DLGAP2: variants seen among roughly 807,000 people sequenced by gnomAD.
DLGAP2 encodes the protein DLG associated protein 2.
In DLGAP2, 26 loss-of-function variants were observed where a neutral mutation model predicts 100.3. That is an observed-to-expected ratio of 0.26 (90% CI 0.19 to 0.36). DLGAP2 has a LOEUF of 0.36. Among genes scored for constraint, DLGAP2 ranks in the 10% least tolerant of loss-of-function variants. The probability of loss-of-function intolerance (pLI) is 1.00; values close to 1 mark genes in which losing one functional copy is unlikely to be tolerated. For synonymous variants in DLGAP2, 886 were observed against 630.1 expected (o/e 1.41, Z -6.08); for missense variants, 1,858 against 1,453.2 (o/e 1.28, Z -4.53).
intron 3 of DLGAP2, among the ~76,000 whole-genome samples, chr8:1,476,807 G>C (rs1034612541): frequency 2.7e-5 from 4 of 148,944 alleles, no homozygotes; most frequent in African/African-American, 1.0e-4. Context: ...ACCCACCCGT[G>C]ATGGCTGAGT....
At chr8:1,301,313 G>A (rs1800333027) in intron 3 of DLGAP2, 1 of 152,320 alleles carries the variant, frequency 6.6e-6, no homozygotes, top group Admixed American at 6.5e-5. Context: ...TCCTCCATGA[G>A]AGGCCTCTGC....
At chr8:1,659,192 T>C (rs555593809) in intron 8 of DLGAP2, among the ~76,000 whole-genome samples, 2 of 152,366 alleles carry the variant, frequency 1.3e-5, no homozygotes, top group East Asian at 1.9e-4. Context: ...TTGATTGCAC[T>C]GTGGTCGGAG....
chr8:1,337,166 G>GTGA (rs1373988697), intron 3 of DLGAP2, among the ~76,000 whole-genome samples: 3 of 136,146 alleles, frequency 2.2e-5, no homozygotes, highest in Admixed American at 7.1e-5. Flanking sequence ...GATGATGGTG[G>GTGA]TGATGATGAT....
intron 1 of DLGAP2, chr8:883,481 CA>C (rs1337476848): frequency 6.6e-6 from 1 of 151,968 alleles, no homozygotes; most frequent in Non-Finnish European, 1.5e-5. Context: ...ACTTGATATG[CA>C]AATGCATATT....
At chr8:1,466,296 C>A (rs1455159306) in intron 3 of DLGAP2, among the ~76,000 whole-genome samples, 2 of 152,016 alleles carry the variant, frequency 1.3e-5, no homozygotes, top group South Asian at 2.1e-4. Context: ...TGGTGCCAGG[C>A]AACCTGAGCC....
In DLGAP2 at chr8:1,539,681, T is replaced by C. The variant is rs187644192; in HGVS notation, c.173-8945T>C. 2.4e-3 allele frequency among the ~76,000 whole-genome samples: 367 copies of C among 151,200 alleles called. 4 individuals are homozygous for C. The highest frequency in any genetic ancestry group is 0.019 in the South Asian group (90 of 4,766). On this transcript the variant is annotated intron_variant, in intron 4 of 14. Transcript: ENST00000637795. Reference sequence around the variant, plus strand: ...GGGGCCACCTTCTCCCTCTCCAGACTCCACTTTCCTGTTTGGAGGATGCCG... The same window carrying C: ...GGGGCCACCTTCTCCCTCTCCAGACCCCACTTTCCTGTTTGGAGGATGCCG...
chr8:776,032 G>A (rs1821506266), intron 1 of DLGAP2, among the ~76,000 whole-genome samples: 1 of 152,128 alleles, frequency 6.6e-6, no homozygotes, highest in South Asian at 2.1e-4. Context: ...TTCAGATCCT[G>A]TTATTGGTCT....
At chr8:1,084,045 T>C (rs1318484341) in intron 2 of DLGAP2, among the ~76,000 whole-genome samples, 2 of 152,224 alleles carry the variant, frequency 1.3e-5, no homozygotes, top group Non-Finnish European at 2.9e-5. Flanking sequence ...ACACACAAAC[T>C]TTTATTTTAT....
intron 1 of DLGAP2, among the ~76,000 whole-genome samples, chr8:797,790 G>A (rs575558024): frequency 3.3e-5 from 5 of 151,948 alleles, no homozygotes; most frequent in Non-Finnish European, 7.4e-5. Context: ...CACTCTTATT[G>A]CCCAGGCTGG....
At chr8:1,360,943 C>T (rs1284384390) in intron 3 of DLGAP2, among the ~76,000 whole-genome samples, 2 of 152,196 alleles carry the variant, frequency 1.3e-5, no homozygotes, top group African/African-American at 4.8e-5. Context: ...GTTTCAGAAG[C>T]ACAGTGCCGA....
chr8:912,586 A>G (rs1313425382), intron 2 of DLGAP2, among the ~76,000 whole-genome samples: 1 of 151,636 alleles, frequency 6.6e-6, no homozygotes, highest in East Asian at 1.9e-4. Flanking sequence ...AGTTGTCTCC[A>G]GCTCATTGGA....
intron 2 of DLGAP2, among the ~76,000 whole-genome samples, chr8:1,079,272 T>G (rs569538392): frequency 6.6e-6 from 1 of 152,336 alleles, no homozygotes; most frequent in East Asian, 1.9e-4. Flanking sequence ...GTTTTAAGAG[T>G]TATTCATATA....
chr8:1,416,163 G>C (rs1027227471), intron 3 of DLGAP2, among the ~76,000 whole-genome samples: 1 of 152,180 alleles, frequency 6.6e-6, no homozygotes, highest in Non-Finnish European at 1.5e-5. Context: ...CAGTTTGGAC[G>C]TGAAACCCAT....
chr8:1,202,164 A>G (rs1797891874), intron 2 of DLGAP2, among the ~76,000 whole-genome samples: 2 of 151,850 alleles, frequency 1.3e-5, no homozygotes, highest in African/African-American at 2.4e-5. Flanking sequence ...TGTGTACAGT[A>G]TCTGTGTATC....
At chr8:1,662,670 A>G (rs992900718) in intron 8 of DLGAP2, among the ~76,000 whole-genome samples, 2 of 152,278 alleles carry the variant, frequency 1.3e-5, no homozygotes, top group Non-Finnish European at 2.9e-5. Flanking sequence ...CTCTTCCAAG[A>G]TATGCAAATG....
At chr8:1,140,601 CTT>C (rs1320741423) in intron 2 of DLGAP2, among the ~76,000 whole-genome samples, 4 of 152,106 alleles carry the variant, frequency 2.6e-5, no homozygotes, top group African/African-American at 9.7e-5. Context: ...CTGACCCTCC[CTT>C]CCCTCACTCA....
chr8:1,064,122 A>T lies in DLGAP2; in HGVS notation c.73+156156A>T, dbSNP rs1803172401. Among the ~76,000 whole-genome samples the T allele has an allele frequency of 2.0e-5, 3 of 152,310 alleles. No homozygotes were observed. The South Asian group carries it at 6.2e-4, about 32-fold the overall frequency. On this transcript the variant is annotated intron_variant, in intron 2 of 14. Coordinates refer to ENST00000637795, the MANE Select transcript of DLGAP2 (RefSeq NM_001346810.2). Reference sequence around the variant, plus strand: ...TATGGGAAAGCTTTAGGTCATGGGGACAATCCAATGGCTGGTGGGGCGGTG... The same window carrying T: ...TATGGGAAAGCTTTAGGTCATGGGGTCAATCCAATGGCTGGTGGGGCGGTG...
chr8:1,356,059 C>T (rs1011615578), intron 3 of DLGAP2, among the ~76,000 whole-genome samples: 5 of 152,210 alleles, frequency 3.3e-5, no homozygotes, highest in Non-Finnish European at 5.9e-5. Context: ...CAGTATGGGG[C>T]GGCCCTCACA....
chr8:845,987 G>A (rs897130842), intron 1 of DLGAP2, among the ~76,000 whole-genome samples: 30 of 152,236 alleles, frequency 2.0e-4, no homozygotes, highest in South Asian at 2.1e-4. Context: ...GAGTTTCTTC[G>A]TAAACGTTTG....
Sources: allele counts gnomAD v4.1 joint callset (sites outside exome capture counted in the v4.1 genomes callset), GRCh38; gene constraint gnomAD v4.1.1; transcripts MANE v1.5; gene names NCBI Gene and HGNC (gene_info 2026-07-23, HGNC 2026-07-21).